The following DIXDC1 variants were observed in gnomAD, a reference collection of about 807,000 sequenced individuals.
The protein encoded by DIXDC1 is DIX domain containing 1.
A neutral mutation model predicts 103.1 loss-of-function variants in DIXDC1; 64 were observed. The observed-to-expected ratio is 0.62, with a 90% CI of 0.51 to 0.76. The LOEUF is 0.76. Among genes scored for constraint, DIXDC1 ranks in the 30% least tolerant of loss-of-function variants. The pLI is 0.00. For missense variants in DIXDC1, 759 were observed against 834.2 expected, an observed-to-expected ratio of 0.91 and a Z score of 1.11; for synonymous variants, 266 against 298.5, an observed-to-expected ratio of 0.89 and a Z score of 1.12.
At chr11:111,975,260 C>T in intron 5 of DIXDC1, 1 of 1,240,912 alleles carries the variant, frequency 8.1e-7, no homozygotes, top group Non-Finnish European at 1.0e-6. Context: ...TGGAACCTGT[C>T]AGGGCCCAGT....
At chr11:111,955,358 A>G (rs1555170465) in intron 1 of DIXDC1, among the ~76,000 whole-genome samples, 1 of 148,774 alleles carries the variant, frequency 6.7e-6, no homozygotes, top group African/African-American at 2.5e-5. Context: ...AAAAAAAAAA[A>G]GGAAGGAAAG....
At chr11:111,947,078 C>A (rs781864842) in intron 1 of DIXDC1, among the ~76,000 whole-genome samples, 9 of 150,442 alleles carry the variant, frequency 6.0e-5, no homozygotes, top group Non-Finnish European at 8.9e-5. Flanking sequence ...TGTTTTGGTT[C>A]TTGTTTTCAG....
At position 111,980,217 on chromosome 11, in the gene DIXDC1, C is replaced by G. The variant is rs587609350; in HGVS notation, c.657-520C>G. Among the ~76,000 whole-genome samples, 8 of 152,314 alleles carry G rather than the reference C, an allele frequency of 5.3e-5. No individual in the cohort carries two copies. The South Asian group carries it at 8.3e-4, about 16-fold the overall frequency. The stretch of plus-strand genomic sequence containing the variant: ...GCAACTTTTCCCCTTGAACCACCCC[C>G]ACCCTGTACTCTCCTTTGTGATCAG... On this transcript the variant is annotated intron_variant, in intron 5 of 19. Transcript: ENST00000440460.
intron 7 of DIXDC1, 137 bp downstream of exon 7, chr11:111,982,624 G>A (rs782223810): frequency 1.1e-6 from 1 of 915,414 alleles, no homozygotes; most frequent in Non-Finnish European, 1.6e-6. Flanking sequence ...GAATAGCACA[G>A]AAAGAGCAGA....
intron 17 of DIXDC1, among the ~76,000 whole-genome samples, chr11:112,014,522 G>T (rs1327972128): frequency 6.6e-6 from 1 of 152,078 alleles, no homozygotes; most frequent in Admixed American, 6.6e-5. Context: ...TTTTAAAAAG[G>T]ACTCTCCAAC....
At chr11:112,016,884 G>A (rs1202169834) in intron 18 of DIXDC1, 88 bp downstream of exon 18, 1 of 1,157,670 alleles carries the variant, frequency 8.6e-7, no homozygotes, top group Admixed American at 2.3e-5. Flanking sequence ...GCAGCTGAAA[G>A]GTGTTTGAGA....
chr11:111,944,936 A>T (rs1966542554), intron 1 of DIXDC1, among the ~76,000 whole-genome samples: 3 of 152,258 alleles, frequency 2.0e-5, no homozygotes, highest in Admixed American at 2.0e-4. Context: ...GATTAGTTCA[A>T]CACTGTTACA....
At position 111,995,563 on chromosome 11, in the gene DIXDC1, A is replaced by T; in HGVS notation, c.1688A>T (p.Lys563Met). The change falls in exon 16 of 20, where the codon AAG becomes ATG. Residue 563 changes from lysine to methionine, a missense_variant and splice_region_variant. Physicochemically the swap from Lys to Met is moderately conservative, Grantham distance 95. Coordinates refer to ENST00000440460, the MANE Select transcript of DIXDC1 (RefSeq NM_001037954.4). ...GAGACGCAGAAGAAACAAGAAAGAA[A>T]GGTAACCCTCTTGCTGTGGTATCTC... is the stretch of plus-strand genomic sequence containing the variant. ...VMETQKKQER[K>M]VRVKSPRTQV... The T allele has an allele frequency of 6.2e-7, 1 of 1,613,872 alleles. No individual in the cohort carries two copies. Among genetic ancestry groups the T allele is most frequent in the Non-Finnish European group, 8.5e-7 (1 of 1,179,890 alleles).
intron 7 of DIXDC1, 58 bp from the exon 8 acceptor site, chr11:111,985,174 T>G (rs1555173676): frequency 5.7e-6 from 8 of 1,399,926 alleles, no homozygotes; most frequent in Non-Finnish European, 5.0e-6. Context: ...CAAGTTCAAC[T>G]CTGGACTAAG....
intron 10 of DIXDC1, among the ~76,000 whole-genome samples, chr11:111,989,494 G>A (rs1860620041): frequency 1.3e-5 from 2 of 151,468 alleles, no homozygotes; most frequent in African/African-American, 4.8e-5. Flanking sequence ...CGTGGTGGCA[G>A]GCACCTGTAA....
At chr11:112,016,543 T>C in intron 17 of DIXDC1, 148 bp from the exon 18 acceptor site, 1 of 564,602 alleles carries the variant, frequency 1.8e-6, no homozygotes, top group Non-Finnish European at 3.0e-6. Flanking sequence ...TAGGCAACCA[T>C]AGCATATGGA....
In DIXDC1 at chr11:111,977,229, G is replaced by A; in HGVS notation, c.656+2246G>A. ...CGTCCAGAGCGGTCGGTTGGCCAGC[G>A]GAGCTGGCTTGGGTCGGAGCCCGGC... On this transcript the variant is annotated intron_variant, in intron 5 of 19. Coordinates refer to ENST00000440460, the MANE Select transcript of DIXDC1 (RefSeq NM_001037954.4). This position sits in a 1 kb window ranked among gnomAD's most constrained non-coding sequence, Gnocchi z 6.1. The A allele has an allele frequency of 1.0e-6, 1 of 992,780 alleles. No individual in the cohort carries two copies. The highest frequency in any genetic ancestry group is 1.2e-6 in the Non-Finnish European group (1 of 835,540). The allele number at this position is 992,780 out of a possible 1,614,324, so 61.5% of individuals were successfully genotyped here.
chr11:111,942,811 A>G (rs1966462780), intron 1 of DIXDC1, among the ~76,000 whole-genome samples: 1 of 152,200 alleles, frequency 6.6e-6, no homozygotes, highest in African/African-American at 2.4e-5. Flanking sequence ...AGGGACATCC[A>G]TCTCAAGACC....
intron 1 of DIXDC1, among the ~76,000 whole-genome samples, chr11:111,944,270 G>A (rs1966520768): frequency 6.6e-6 from 1 of 152,168 alleles, no homozygotes; most frequent in African/African-American, 2.4e-5. Context: ...TACCACAAAA[G>A]CTCTCTGCTT....
chr11:111,967,570 C>T (rs1181649469), intron 2 of DIXDC1, among the ~76,000 whole-genome samples: 1 of 152,192 alleles, frequency 6.6e-6, no homozygotes, highest in Non-Finnish European at 1.5e-5. Flanking sequence ...TCTCCATAGT[C>T]TATTTCCACG....
At chr11:112,002,752 C>T (rs1191687226) in intron 17 of DIXDC1, among the ~76,000 whole-genome samples, 1 of 152,174 alleles carries the variant, frequency 6.6e-6, no homozygotes, top group Non-Finnish European at 1.5e-5. Context: ...TGTGCCACTG[C>T]ATTCCAGAGT....
intron 1 of DIXDC1, among the ~76,000 whole-genome samples, chr11:111,944,053 T>G (rs1353432482): frequency 2.0e-5 from 3 of 152,180 alleles, no homozygotes; most frequent in Non-Finnish European, 4.4e-5. Flanking sequence ...TACAATAGGG[T>G]GTTTACTGGC....
intron 1 of DIXDC1, among the ~76,000 whole-genome samples, chr11:111,956,446 A>G (rs2137487049): frequency 6.6e-6 from 1 of 152,334 alleles, no homozygotes; most frequent in Middle Eastern, 3.4e-3. Context: ...AGGTATCCTA[A>G]TGGCCAAATC....
At chr11:111,938,530 T>C (rs1398774673) in intron 1 of DIXDC1, among the ~76,000 whole-genome samples, 4 of 152,220 alleles carry the variant, frequency 2.6e-5, no homozygotes, top group African/African-American at 9.7e-5. Context: ...TATGAATACA[T>C]TGTCTTCTTA....
Sources: gnomAD v4.1 joint callset for allele counts (sites outside exome capture counted in the v4.1 genomes callset) on GRCh38, gnomAD v4.1.1 for gene constraint, Gnocchi (gnomAD v3.1) non-coding constraint, MANE v1.5 for transcripts, NCBI Gene and HGNC (gene_info 2026-07-23, HGNC 2026-07-21) for gene names.